ALK: variants seen among roughly 807,000 people sequenced by gnomAD.
The protein encoded by ALK is ALK tyrosine kinase receptor.
In ALK, 74 loss-of-function variants were observed where a neutral mutation model predicts 163.1. The observed-to-expected ratio is 0.45, with a 90% CI of 0.38 to 0.55. ALK has a LOEUF of 0.55. ALK is among the 20% of genes least tolerant of loss of function. ALK has a pLI of 0.00. For synonymous variants in ALK, 960 were observed against 843.2 expected, an observed-to-expected ratio of 1.14 and a Z score of -2.40; for missense variants, 2,063 against 2,105.3, an observed-to-expected ratio of 0.98 and a Z score of 0.39.
At chr2:29,859,205 G>A (rs867924279) in intron 1 of ALK, among the ~76,000 whole-genome samples, 1 of 152,172 alleles carries the variant, frequency 6.6e-6, no homozygotes, top group Non-Finnish European at 1.5e-5. Context: ...TATGTACTGG[G>A]GATAGGAACC....
chr2:29,303,921 A>G (rs1398861090), intron 8 of ALK, among the ~76,000 whole-genome samples: 1 of 152,202 alleles, frequency 6.6e-6, no homozygotes. Context: ...AAAACTACCT[A>G]CTGGGTAGTA....
chr2:29,767,952 A>G (rs907966293), intron 1 of ALK, among the ~76,000 whole-genome samples: 1 of 152,238 alleles, frequency 6.6e-6, no homozygotes, highest in Non-Finnish European at 1.5e-5. Context: ...AGGTAGCTAC[A>G]AGGGAAGAAA....
chr2:29,709,705 G>T (rs2148300973), intron 2 of ALK, among the ~76,000 whole-genome samples: 1 of 152,248 alleles, frequency 6.6e-6, no homozygotes, highest in South Asian at 2.1e-4. Context: ...CTAATTTGGG[G>T]TTATAGTGCG....
chr2:29,529,198 C>T (rs901696835), intron 4 of ALK, among the ~76,000 whole-genome samples: 7 of 152,204 alleles, frequency 4.6e-5, no homozygotes, highest in African/African-American at 1.4e-4. Flanking sequence ...AACTTGGTGG[C>T]GTCTGACTTG....
chr2:29,329,297 G>A (rs943283347), intron 5 of ALK, among the ~76,000 whole-genome samples: 1 of 152,232 alleles, frequency 6.6e-6, no homozygotes, highest in South Asian at 2.1e-4. Context: ...AGGCCCCAGA[G>A]ATTCAGACAA....
intron 1 of ALK, among the ~76,000 whole-genome samples, chr2:29,719,831 C>T (rs957505019): frequency 2.6e-5 from 4 of 152,194 alleles, no homozygotes; most frequent in East Asian, 1.9e-4. Context: ...AGGGCCCCCA[C>T]GACACAATGG....
chr2:29,670,222 A>C (rs532390263), intron 3 of ALK, among the ~76,000 whole-genome samples: 6 of 152,200 alleles, frequency 3.9e-5, no homozygotes, highest in Non-Finnish European at 8.8e-5. Context: ...GAAGTTTCTC[A>C]GCTTTTATTT....
At chr2:29,906,315 G>A (rs192719006) in intron 1 of ALK, among the ~76,000 whole-genome samples, 5 of 152,056 alleles carry the variant, frequency 3.3e-5, no homozygotes, top group Admixed American at 6.5e-5. Flanking sequence ...AATCCCATGC[G>A]GGCAAAGCCC....
rs1038470590 is a variant in ALK, at chr2:29,229,159, G to A, written c.2633-93C>T. On this transcript the variant is annotated intron_variant, in intron 15 of 28. Transcript: ENST00000389048. ...AAGCAGGATGCAGGACGCCTTGGAG[G>A]GCGCCCGCACCAGCTCCAGCTCCCG... 2.0e-5 allele frequency: 24 copies of A among 1,195,056 alleles called. No homozygotes were observed. The South Asian group carries it at 2.5e-4, about 13-fold the overall frequency. 74.0% of individuals were successfully genotyped at this position (1,195,056 alleles called of 1,614,324 possible).
At chr2:29,516,768 A>G (rs559775849) in intron 4 of ALK, among the ~76,000 whole-genome samples, 1 of 152,386 alleles carries the variant, frequency 6.6e-6, no homozygotes, top group Admixed American at 6.5e-5. Flanking sequence ...AAAGATAGGT[A>G]AAGGCATTTA....
At chr2:29,298,551 G>T (rs552467197) in intron 8 of ALK, among the ~76,000 whole-genome samples, 29 of 152,232 alleles carry the variant, frequency 1.9e-4, no homozygotes, top group Admixed American at 1.6e-3. Context: ...GATGTGAGGT[G>T]GTACTTGTTC....
chr2:29,791,386 A>G (rs1351242343), intron 1 of ALK, among the ~76,000 whole-genome samples: 1 of 152,156 alleles, frequency 6.6e-6, no homozygotes, highest in Non-Finnish European at 1.5e-5. Flanking sequence ...AGAACAGAAA[A>G]CCAAACACTG....
intron 4 of ALK, among the ~76,000 whole-genome samples, chr2:29,479,320 C>CATACACAG (rs1558342755): frequency 6.6e-6 from 1 of 152,208 alleles, no homozygotes; most frequent in Non-Finnish European, 1.5e-5. Context: ...AGTCTTTCTT[C>CATACACAG]ATACACAGAT....
chr2:29,850,580 G>T (rs146434312), intron 1 of ALK, among the ~76,000 whole-genome samples: 2 of 152,294 alleles, frequency 1.3e-5, no homozygotes, highest in East Asian at 3.9e-4. Flanking sequence ...TCAATCCCTT[G>T]CATGAGGCCT....
intron 1 of ALK, among the ~76,000 whole-genome samples, chr2:29,912,709 A>G (rs1001485566): frequency 3.3e-5 from 5 of 151,930 alleles, no homozygotes; most frequent in African/African-American, 9.7e-5. Flanking sequence ...TTTATAATAC[A>G]TATATAAATA....
chr2:29,339,104 G>A (rs1667713159), intron 5 of ALK, among the ~76,000 whole-genome samples: 1 of 152,282 alleles, frequency 6.6e-6, no homozygotes, highest in Non-Finnish European at 1.5e-5. Context: ...TTAGCCAGAT[G>A]TGGTGGCATG....
In ALK at chr2:29,623,604, C is replaced by A. The variant is rs1333186435; in HGVS notation, c.952+71246G>T. The stretch of plus-strand genomic sequence containing the variant: ...AAGCACAGAGAGAGTAAGTGACTTT[C>A]CCTAAACTGCACAGCTGGTAAGTAA... On this transcript the variant is annotated intron_variant, in intron 3 of 28. Transcript: ENST00000389048. Among the ~76,000 whole-genome samples the A allele has an allele frequency of 2.0e-5, 3 of 152,162 alleles. No homozygotes were observed. In the East Asian group the frequency reaches 5.8e-4, roughly 29 times the overall value.
At chr2:29,842,459 T>A (rs1478682295) in intron 1 of ALK, among the ~76,000 whole-genome samples, 2 of 152,188 alleles carry the variant, frequency 1.3e-5, no homozygotes, top group African/African-American at 4.8e-5. Flanking sequence ...CACAGCTATA[T>A]CCCACATGTC....
intron 3 of ALK, among the ~76,000 whole-genome samples, chr2:29,556,506 C>G (rs979118650): frequency 1.3e-5 from 2 of 152,152 alleles, no homozygotes; most frequent in Admixed American, 1.3e-4. Flanking sequence ...AGAAATGTAG[C>G]AAGAATCAAT....
Sources: gnomAD v4.1 joint callset for allele counts (sites outside exome capture counted in the v4.1 genomes callset) on GRCh38, gnomAD v4.1.1 for gene constraint, MANE v1.5 for transcripts, NCBI Gene and HGNC (gene_info 2026-07-23, HGNC 2026-07-21) for gene names.